KLHL29: variants seen among roughly 807,000 people sequenced by gnomAD.
KLHL29 encodes the protein kelch-like protein 29.
KLHL29 carries 21 observed loss-of-function variants against 80.4 expected under a neutral mutation model. The observed-to-expected ratio is 0.26, with a 90% confidence interval of 0.19 to 0.38. The LOEUF is 0.38. Among genes scored for constraint, KLHL29 ranks in the 10% least tolerant of loss-of-function variants. KLHL29 has a pLI of 1.00. For missense variants in KLHL29, 867 were observed against 1,223.9 expected (o/e 0.71, Z 4.35); for synonymous variants, 511 against 526.8 (o/e 0.97, Z 0.41).
chr2:23,697,752 G>A (rs1672058878), intron 11 of KLHL29: 1 of 152,228 alleles, frequency 6.6e-6, no homozygotes, highest in South Asian at 2.1e-4. Context: ...ACGTGAAAAT[G>A]AGGATATTAC....
intron 2 of KLHL29, among the ~76,000 whole-genome samples, chr2:23,478,342 G>A (rs1572345672): frequency 1.3e-5 from 2 of 152,122 alleles, no homozygotes; most frequent in African/African-American, 4.8e-5. Flanking sequence ...TGATAGGAAG[G>A]TTCCGAGGCC....
At chr2:23,593,749 G>C (rs1338409580) in intron 3 of KLHL29, among the ~76,000 whole-genome samples, 2 of 152,228 alleles carry the variant, frequency 1.3e-5, no homozygotes, top group Admixed American at 6.5e-5. Flanking sequence ...CCTCCCAGGG[G>C]CTGCCCTTAC....
intron 1 of KLHL29, among the ~76,000 whole-genome samples, chr2:23,389,229 C>T (rs928129502): frequency 2.0e-5 from 3 of 152,148 alleles, no homozygotes; most frequent in Non-Finnish European, 4.4e-5. Flanking sequence ...TGTAAGTCCA[C>T]TGAACAGGCA....
intron 2 of KLHL29, chr2:23,524,202 G>A (rs1666208675): frequency 6.2e-6 from 2 of 323,382 alleles, no homozygotes; most frequent in Non-Finnish European, 1.3e-5. Context: ...GGGAGTGGCA[G>A]AGCCACCCAG....
chr2:23,612,423 G>C (rs1448078382), intron 3 of KLHL29, among the ~76,000 whole-genome samples: 6 of 152,150 alleles, frequency 3.9e-5, no homozygotes, highest in Admixed American at 6.5e-5. Flanking sequence ...TTTTTAAAAA[G>C]TTCAGACAAA....
intron 3 of KLHL29, chr2:23,617,544 CCTTCAAG>C: frequency 6.6e-6 from 1 of 152,300 alleles, no homozygotes; most frequent in East Asian, 1.9e-4. Flanking sequence ...GAAAATACTG[CCTTCAAG>C]TACTGTGACT....
At chr2:23,489,642 A>G (rs1183929071) in intron 2 of KLHL29, among the ~76,000 whole-genome samples, 1 of 151,666 alleles carries the variant, frequency 6.6e-6, no homozygotes, top group Non-Finnish European at 1.5e-5. Flanking sequence ...ACAAGGCTCC[A>G]CTCTGGGATG....
At chr2:23,417,365 A>G (rs1475640936) in intron 1 of KLHL29, among the ~76,000 whole-genome samples, 1 of 152,208 alleles carries the variant, frequency 6.6e-6, no homozygotes. Context: ...GTGTGGCTGC[A>G]TGGAGTGACC....
intron 2 of KLHL29, among the ~76,000 whole-genome samples, chr2:23,524,585 G>A (rs190319905): frequency 2.0e-5 from 3 of 152,290 alleles, no homozygotes; most frequent in East Asian, 1.9e-4. Context: ...ACATGCTTGC[G>A]GGCATCTGTG....
intron 2 of KLHL29, among the ~76,000 whole-genome samples, chr2:23,480,475 G>A (rs934781792): frequency 6.7e-5 from 9 of 134,188 alleles, no homozygotes; most frequent in South Asian, 2.5e-4. Flanking sequence ...AGGTGACAGC[G>A]GAAGATTCTG....
In KLHL29 at chr2:23,696,677, A is replaced by G. The variant is rs1671978102; in HGVS notation, c.2105+164A>G. 3.4e-6 allele frequency: 2 copies of G among 590,704 alleles called. No homozygotes were observed. The highest frequency in any genetic ancestry group is 6.1e-5 in the East Asian group (2 of 32,892). 36.6% of individuals were successfully genotyped at this position (590,704 alleles called of 1,614,324 possible). On this transcript the variant is annotated intron_variant, in intron 11 of 13. Transcript: ENST00000486442. The surrounding 1 kb of genome is among the most constrained non-coding windows in gnomAD (Gnocchi z 5.5). ...GCTCTTCAGTCACAGCACCGGGGGCAGCAGGGTGTGGGATACAAGCAGATG... is the reference window on the plus strand; with the variant it reads ...GCTCTTCAGTCACAGCACCGGGGGCGGCAGGGTGTGGGATACAAGCAGATG...
At chr2:23,408,263 T>TGA (rs1220731327) in intron 1 of KLHL29, among the ~76,000 whole-genome samples, 23 of 52,678 alleles carry the variant, frequency 4.4e-4, no homozygotes, top group African/African-American at 1.5e-3. Context: ...CATTTCACGC[T>TGA]AAAAAAAAAA....
chr2:23,604,022 G>C (rs1216558755), intron 3 of KLHL29, among the ~76,000 whole-genome samples: 3 of 152,366 alleles, frequency 2.0e-5, no homozygotes, highest in South Asian at 4.1e-4. Flanking sequence ...TCTAGTGTGG[G>C]TCTGGTCTTC....
At chr2:23,571,250 C>T (rs1016410011) in intron 3 of KLHL29, among the ~76,000 whole-genome samples, 5 of 152,150 alleles carry the variant, frequency 3.3e-5, no homozygotes, top group South Asian at 2.1e-4. Context: ...TGGAGGATGG[C>T]GGGGAATGGA....
At chr2:23,575,053 G>A (rs1055255047) in intron 3 of KLHL29, among the ~76,000 whole-genome samples, 2 of 152,182 alleles carry the variant, frequency 1.3e-5, no homozygotes, top group Non-Finnish European at 2.9e-5. Context: ...CCTGATCTGG[G>A]TAGACAGCCT....
intron 2 of KLHL29, among the ~76,000 whole-genome samples, chr2:23,485,990 C>T (rs1380718439): frequency 1.3e-5 from 2 of 152,224 alleles, no homozygotes; most frequent in African/African-American, 4.8e-5. Flanking sequence ...AGCCCAAATG[C>T]ATCTTCAAGG....
At chr2:23,549,748 TC>T (rs1468160247) in intron 2 of KLHL29, among the ~76,000 whole-genome samples, 2 of 152,076 alleles carry the variant, frequency 1.3e-5, no homozygotes, top group African/African-American at 4.8e-5. Flanking sequence ...AACCTCTAGT[TC>T]CCAAAGCCAA....
chr2:23,566,181 A>G (rs1347373481), intron 3 of KLHL29, among the ~76,000 whole-genome samples: 3 of 152,234 alleles, frequency 2.0e-5, no homozygotes, highest in Admixed American at 2.0e-4. Flanking sequence ...CCAGTTGGAC[A>G]AGCAGACTCC....
rs564961799 is a variant in KLHL29 at position 23,519,328 on chromosome 2, C to A, written c.-45-42824C>A. 2.6e-5 allele frequency among the ~76,000 whole-genome samples: 4 copies of A among 152,030 alleles called. No individual in the cohort carries two copies. In the East Asian group the frequency reaches 7.7e-4, roughly 29 times the overall value. ...CAGGGTCCCAGGTCCCCCGTCCTCC[C>A]CTCCCCCCCAGGCTCCCTCCCACCC... On this transcript the variant is annotated intron_variant, in intron 2 of 13. Coordinates refer to ENST00000486442, the MANE Select transcript of KLHL29 (RefSeq NM_052920.2).
Sources: allele counts gnomAD v4.1 joint callset (sites outside exome capture counted in the v4.1 genomes callset), GRCh38; gene constraint gnomAD v4.1.1; non-coding constraint Gnocchi (gnomAD v3.1); transcripts MANE v1.5; gene names NCBI Gene and HGNC (gene_info 2026-07-23, HGNC 2026-07-21).